PPFIA2: variants seen among roughly 807,000 people sequenced by gnomAD.
PPFIA2 encodes the protein PPFI scaffold protein A2.
A neutral mutation model predicts 175.5 loss-of-function variants in PPFIA2; 46 were observed. That is an observed-to-expected ratio of 0.26 (90% CI 0.21 to 0.34). The LOEUF (loss-of-function observed/expected upper bound fraction) is 0.34. PPFIA2 is among the 10% of genes least tolerant of loss of function. PPFIA2 has a pLI of 1.00. For missense variants in PPFIA2, 1,179 were observed against 1,506.1 expected (o/e 0.78, Z 3.60); for synonymous variants, 568 against 511.4 (o/e 1.11, Z -1.49).
intron 16 of PPFIA2, among the ~76,000 whole-genome samples, chr12:81,355,465 C>T (rs759398598): frequency 1.3e-5 from 2 of 152,156 alleles, no homozygotes; most frequent in Non-Finnish European, 2.9e-5. Flanking sequence ...TGCATTCATT[C>T]ACCCCTGTCC....
At chr12:81,684,424 C>T (rs2074142997) in intron 3 of PPFIA2, among the ~76,000 whole-genome samples, 1 of 152,034 alleles carries the variant, frequency 6.6e-6, no homozygotes, top group Non-Finnish European at 1.5e-5. Flanking sequence ...AGGTGAATAC[C>T]TATCATCAGC....
At position 81,638,026 on chromosome 12, in the gene PPFIA2, C is replaced by G. The variant is rs574284127; in HGVS notation, c.303+38765G>C. On this transcript the variant is annotated intron_variant, in intron 4 of 32. Transcript: ENST00000549396. ...AAGAAGAAAACTTGTATTCTTTTTC[C>G]CCATTACCCGACTATTTTTCCTAGT... 9.2e-5 allele frequency among the ~76,000 whole-genome samples: 14 copies of G among 152,206 alleles called. No individual in the cohort carries two copies. In the South Asian group the frequency reaches 2.3e-3, roughly 25 times the overall value.
intron 4 of PPFIA2, among the ~76,000 whole-genome samples, chr12:81,496,420 G>A (rs1488276139): frequency 6.6e-6 from 1 of 152,172 alleles, no homozygotes; most frequent in Non-Finnish European, 1.5e-5. Flanking sequence ...TTTCTTGGGT[G>A]TAATAATGGT....
rs899158184 is a variant in PPFIA2 at position 81,655,295 on chromosome 12, A to G, written c.303+21496T>C. On this transcript the variant is annotated intron_variant, in intron 4 of 32. Coordinates refer to ENST00000549396, the MANE Select transcript of PPFIA2 (RefSeq NM_003625.5). ...TATATTAAATATTCCAATATATTTTATTAATTTCTGCTACTAACACCATTA... is the reference window on the plus strand; with the variant it reads ...TATATTAAATATTCCAATATATTTTGTTAATTTCTGCTACTAACACCATTA... Among the ~76,000 whole-genome samples, 3 of 151,748 alleles carry G rather than the reference A, an allele frequency of 2.0e-5. No homozygotes were observed. The South Asian group carries it at 6.2e-4, about 31-fold the overall frequency.
intron 27 of PPFIA2, among the ~76,000 whole-genome samples, chr12:81,278,473 G>A (rs1400797895): frequency 5.9e-5 from 9 of 151,316 alleles, no homozygotes; most frequent in African/African-American, 2.2e-4. Context: ...CCCGGGAGGC[G>A]GAGGTTGAAG....
intron 11 of PPFIA2, among the ~76,000 whole-genome samples, chr12:81,371,912 C>A (rs554673771): frequency 9.0e-6 from 1 of 111,364 alleles, no homozygotes; most frequent in South Asian, 3.2e-4. Context: ...CACACACAAA[C>A]ACACACACAC....
intron 28 of PPFIA2, among the ~76,000 whole-genome samples, chr12:81,272,608 C>G (rs1034506359): frequency 6.6e-6 from 1 of 152,110 alleles, no homozygotes; most frequent in African/African-American, 2.4e-5. Flanking sequence ...TAAACACTGT[C>G]AGGGTCAACT....
intron 2 of PPFIA2, among the ~76,000 whole-genome samples, 152 bp from the exon 3 acceptor site, chr12:81,754,375 T>G (rs2084314350): frequency 6.6e-6 from 1 of 152,204 alleles, no homozygotes. Flanking sequence ...AGCAAAATGT[T>G]TTGACCTCAA....
intron 3 of PPFIA2, among the ~76,000 whole-genome samples, chr12:81,702,415 T>A (rs2076607937): frequency 6.6e-6 from 1 of 152,196 alleles, no homozygotes; most frequent in Non-Finnish European, 1.5e-5. Context: ...TAGCTTTAAA[T>A]CCCATCACTC....
intron 4 of PPFIA2, among the ~76,000 whole-genome samples, chr12:81,665,395 A>T (rs1000734281): frequency 2.0e-5 from 3 of 152,032 alleles, no homozygotes; most frequent in African/African-American, 7.3e-5. Flanking sequence ...GTAACACGTA[A>T]CACTCAGTGT....
chr12:81,504,933 G>C (rs1301563643), intron 4 of PPFIA2, among the ~76,000 whole-genome samples: 1 of 152,116 alleles, frequency 6.6e-6, no homozygotes, highest in Non-Finnish European at 1.5e-5. Flanking sequence ...TCATAAGTGG[G>C]AGTTGAACAA....
At chr12:81,347,423 A>G (rs1357771228) in intron 18 of PPFIA2, 110 bp downstream of exon 18, 1 of 947,928 alleles carries the variant, frequency 1.1e-6, no homozygotes, top group Non-Finnish European at 1.7e-6. Context: ...ATAAATAAAC[A>G]ATAAAATACA....
chr12:81,690,229 T>C (rs1278780366), intron 3 of PPFIA2, among the ~76,000 whole-genome samples: 1 of 152,104 alleles, frequency 6.6e-6, no homozygotes, highest in African/African-American at 2.4e-5. Flanking sequence ...TCTTTCTCAA[T>C]TTTAGCTTTG....
chr12:81,489,836 T>G (rs1056999433), intron 4 of PPFIA2, among the ~76,000 whole-genome samples: 3 of 151,876 alleles, frequency 2.0e-5, no homozygotes, highest in African/African-American at 7.2e-5. Context: ...CTTCTAACTC[T>G]TATGGCATAA....
intron 7 of PPFIA2, among the ~76,000 whole-genome samples, chr12:81,435,101 C>T (rs141435668): frequency 2.2e-4 from 34 of 152,248 alleles, no homozygotes; most frequent in African/African-American, 7.7e-4. Flanking sequence ...AGGCAACTCA[C>T]TTTATTACAT....
At chr12:81,458,941 G>A (rs1359828374) in intron 4 of PPFIA2, among the ~76,000 whole-genome samples, 2 of 152,090 alleles carry the variant, frequency 1.3e-5, no homozygotes, top group Admixed American at 1.3e-4. Context: ...AAATGAAGGA[G>A]ACAGGTTTGG....
intron 21 of PPFIA2, among the ~76,000 whole-genome samples, chr12:81,332,923 G>T (rs1197597672): frequency 1.3e-5 from 2 of 152,158 alleles, no homozygotes; most frequent in African/African-American, 4.8e-5. Context: ...CTAGAAGTCT[G>T]TAATCTTAAA....
At chr12:81,754,922 T>C (rs926862286) in intron 2 of PPFIA2, among the ~76,000 whole-genome samples, 6 of 152,200 alleles carry the variant, frequency 3.9e-5, no homozygotes, top group Non-Finnish European at 5.9e-5. Flanking sequence ...TAAGTGATAC[T>C]GACTGAATTA....
Position 81,365,957 on chromosome 12 carries a change from A to G in PPFIA2, c.1545+1151T>C, listed in dbSNP as rs1012034749. Among the ~76,000 whole-genome samples, 3 of 140,166 alleles carry G rather than the reference A, an allele frequency of 2.1e-5. No homozygotes were observed. In the South Asian group the frequency reaches 7.3e-4, roughly 34 times the overall value. 92.0% of individuals were successfully genotyped at this position (140,166 alleles called of 152,430 possible). A position where few individuals can be genotyped will look rare whatever the true frequency, so the allele number is the denominator to read the frequency against. ...TCTTTTCCAATACCTTCTATATCCC[A>G]TACTATCCCTCCCTCCCTCCCTCCC... is the stretch of plus-strand genomic sequence containing the variant. On this transcript the variant is annotated intron_variant, in intron 14 of 32. Coordinates refer to ENST00000549396, the MANE Select transcript of PPFIA2 (RefSeq NM_003625.5).
Sources: gnomAD v4.1 joint callset for allele counts (sites outside exome capture counted in the v4.1 genomes callset) on GRCh38, gnomAD v4.1.1 for gene constraint, MANE v1.5 for transcripts, NCBI Gene and HGNC (gene_info 2026-07-23, HGNC 2026-07-21) for gene names.